The following DNAH11 variants were observed in gnomAD, a reference collection of about 807,000 sequenced individuals.
The protein encoded by DNAH11 is axonemal beta dynein heavy chain 11.
Under a neutral mutation model 526.0 loss-of-function variants are expected in DNAH11, and 442 were observed. The observed-to-expected ratio is 0.84, with a 90% CI of 0.78 to 0.91. The LOEUF is 0.91. Ranked by LOEUF, DNAH11 falls within the 40% of genes least tolerant of loss-of-function variation. The pLI is 0.00. For missense variants in DNAH11, 6,989 were observed against 5,448.7 expected (o/e 1.28, Z -8.90); for synonymous variants, 2,461 against 1,935.9 (o/e 1.27, Z -7.12).
At position 21,750,409 on chromosome 7, in the gene DNAH11, T is replaced by C. The variant is rs752416204; in HGVS notation, c.8940+45T>C. ...TTTGCATGTTAGTTAAAACCTGCTATTGCAACTCTCTGGTTCTATTCTGAG... is the reference window on the plus strand; with the variant it reads ...TTTGCATGTTAGTTAAAACCTGCTACTGCAACTCTCTGGTTCTATTCTGAG... On this transcript the variant is annotated intron_variant, in intron 54 of 81. Transcript: ENST00000409508. 3 of 1,559,694 alleles carry C rather than the reference T, an allele frequency of 1.9e-6. No individual in the cohort carries two copies. The East Asian group carries it at 7.1e-5, about 37-fold the overall frequency.
chr7:21,589,829 A>G (rs968090661), intron 12 of DNAH11, among the ~76,000 whole-genome samples: 1 of 152,174 alleles, frequency 6.6e-6, no homozygotes, highest in Non-Finnish European at 1.5e-5. Context: ...TCATCACGTA[A>G]GTTAAGATTT....
At chr7:21,659,609 A>C (rs931888847) in intron 30 of DNAH11, among the ~76,000 whole-genome samples, 1 of 152,078 alleles carries the variant, frequency 6.6e-6, no homozygotes, top group Non-Finnish European at 1.5e-5. Flanking sequence ...ATTAGGCTTG[A>C]AAAGGAGTTT....
intron 66 of DNAH11, among the ~76,000 whole-genome samples, chr7:21,847,920 C>T (rs1280849873): frequency 6.6e-6 from 1 of 152,056 alleles, no homozygotes; most frequent in East Asian, 1.9e-4. Context: ...AATCCCAGCA[C>T]TTTGGGAGGC....
At chr7:21,690,609 CAT>C (rs1345268657) in intron 34 of DNAH11, among the ~76,000 whole-genome samples, 154 bp from the exon 35 acceptor site, 2 of 152,082 alleles carry the variant, frequency 1.3e-5, no homozygotes, top group Non-Finnish European at 2.9e-5. Context: ...TGCTTCAAAA[CAT>C]ATTCAAAATA....
intron 65 of DNAH11, among the ~76,000 whole-genome samples, chr7:21,841,667 G>A (rs1429735686): frequency 1.3e-5 from 2 of 152,188 alleles, no homozygotes; most frequent in South Asian, 2.1e-4. Context: ...GTTCCCACCT[G>A]GTGCCCTGAG....
At chr7:21,749,551 A>C in intron 52 of DNAH11, 127 bp from the exon 53 acceptor site, 1 of 1,248,556 alleles carries the variant, frequency 8.0e-7, no homozygotes, top group Non-Finnish European at 1.1e-6. Context: ...GGAATATGTA[A>C]ACCAGGGAAA....
At position 21,901,048 on chromosome 7, in the gene DNAH11, C is replaced by G. The variant is rs751222708; in HGVS notation, c.13345C>G (p.Arg4449Gly). ...CCAAGCAGGAACCATTGTTGAAGCC[C>G]GTCTCAAGGAGCTGGCATGCCCTAT... ...DTQAGTIVEA[R>G]LKELACPMPV... The change falls in exon 82 of 82, where the codon CGT becomes GGT. Residue 4449 changes from arginine (R) to glycine (G), a missense_variant. Coordinates refer to ENST00000409508, the MANE Select transcript of DNAH11 (RefSeq NM_001277115.2). The G allele has an allele frequency of 3.7e-6, 6 of 1,612,600 alleles. No individual in the cohort carries two copies. In the African/African-American group the frequency reaches 8.0e-5, roughly 22 times the overall value.
At chr7:21,646,178 C>G (rs947292642) in intron 28 of DNAH11, among the ~76,000 whole-genome samples, 4 of 152,074 alleles carry the variant, frequency 2.6e-5, no homozygotes, top group African/African-American at 9.7e-5. Flanking sequence ...AGAAAGGTTG[C>G]TCAATTTCAG....
rs1170781791 is a variant in DNAH11 at position 21,600,045 on chromosome 7, A to G, written c.2926A>G (p.Met976Val). 1.2e-6 allele frequency: 2 copies of G among 1,610,222 alleles called. No individual in the cohort carries two copies. Among genetic ancestry groups the G allele is most frequent in the Non-Finnish European group, 1.7e-6 (2 of 1,177,788 alleles). ...GDGFYDLVEE[M>V]LCNSFRMSAQ... ...TGGCTTCTATGATCTTGTAGAAGAAATGTTATGCAATAGTTTTAGAATGTC... is the reference window on the plus strand; with the variant it reads ...TGGCTTCTATGATCTTGTAGAAGAAGTGTTATGCAATAGTTTTAGAATGTC... The change falls in exon 15 of 82, where the codon ATG becomes GTG. Residue 976 changes from methionine to valine, a missense_variant. Coordinates refer to ENST00000409508, the MANE Select transcript of DNAH11 (RefSeq NM_001277115.2).
intron 30 of DNAH11, 99 bp from the exon 31 acceptor site, chr7:21,681,447 T>C: frequency 7.6e-7 from 1 of 1,316,668 alleles, no homozygotes; most frequent in Admixed American, 2.6e-5. Flanking sequence ...AGAAATTGTT[T>C]TGCAAACTAA....
intron 8 of DNAH11, 140 bp downstream of exon 8, chr7:21,572,113 T>C (rs1387865954): frequency 3.1e-6 from 2 of 650,120 alleles, no homozygotes; most frequent in Non-Finnish European, 4.4e-6. Context: ...TTGCCTGAAG[T>C]CTTGTAGCTA....
chr7:21,666,751 CA>C (rs1782434977), intron 30 of DNAH11, among the ~76,000 whole-genome samples: 1 of 147,424 alleles, frequency 6.8e-6, no homozygotes, highest in Non-Finnish European at 1.5e-5. Context: ...ATATTGGACA[CA>C]AGTATTTTTT....
chr7:21,590,222 A>G (rs933188916), intron 12 of DNAH11, among the ~76,000 whole-genome samples: 2 of 152,206 alleles, frequency 1.3e-5, no homozygotes, highest in African/African-American at 4.8e-5. Context: ...CTAGATGTGC[A>G]TGTATATATG....
chr7:21,583,198 T>G lies in DNAH11; in HGVS notation c.1710+1177T>G, dbSNP rs530475910. On this transcript the variant is annotated intron_variant, in intron 9 of 81. Coordinates refer to ENST00000409508, the MANE Select transcript of DNAH11 (RefSeq NM_001277115.2). ...CTGACTTGAAACTACACTACAAGGC[T>G]ACAGTAACCAAAACAGTATAGTACT... is the stretch of plus-strand genomic sequence containing the variant. Among the ~76,000 whole-genome samples, 233 of 152,256 alleles carry G rather than the reference T, an allele frequency of 1.5e-3. 4 individuals carry two copies. The South Asian group carries it at 0.02, about 13-fold the overall frequency.
chr7:21,777,440 G>T (rs1242972251), intron 56 of DNAH11, among the ~76,000 whole-genome samples: 4 of 151,886 alleles, frequency 2.6e-5, no homozygotes, highest in African/African-American at 9.7e-5. Context: ...AACCAAAAAT[G>T]AAATTACTGA....
rs1323137235 is a variant in DNAH11 at position 21,901,493 on chromosome 7, TAGGAGGCAA to T, written c.*243_*251del. 1.5e-5 allele frequency: 6 copies of T among 408,544 alleles called. No homozygotes were observed. In the Admixed American group the frequency reaches 2.8e-4, roughly 19 times the overall value. 25.3% of individuals were successfully genotyped at this position (408,544 alleles called of 1,614,324 possible). On this transcript the variant is annotated 3_prime_UTR_variant, in exon 82 of 82. Coordinates refer to ENST00000409508, the MANE Select transcript of DNAH11 (RefSeq NM_001277115.2). ...AGGAGGTAGGAGAATCACTTGAACC[TAGGAGGCAA>T]AGGTTGCAGTGAGCCGAGGTTGCAC...
At chr7:21,716,331 C>T (rs921380772) in intron 42 of DNAH11, among the ~76,000 whole-genome samples, 4 of 152,100 alleles carry the variant, frequency 2.6e-5, no homozygotes, top group Non-Finnish European at 4.4e-5. Context: ...TAATGAGTAA[C>T]GTTTATTGAG....
intron 60 of DNAH11, among the ~76,000 whole-genome samples, chr7:21,788,704 C>T (rs973298067): frequency 6.6e-6 from 1 of 152,140 alleles, no homozygotes; most frequent in Non-Finnish European, 1.5e-5. Flanking sequence ...ATATCTCCCA[C>T]CCTCCTTTCT....
intron 61 of DNAH11, among the ~76,000 whole-genome samples, chr7:21,794,393 A>T (rs1436379531): frequency 6.6e-6 from 1 of 152,138 alleles, no homozygotes; most frequent in Non-Finnish European, 1.5e-5. Context: ...TTTCTAGAGT[A>T]TGTTTGCTTA....
Sources: gnomAD v4.1 joint callset for allele counts (sites outside exome capture counted in the v4.1 genomes callset) on GRCh38, gnomAD v4.1.1 for gene constraint, MANE v1.5 for transcripts, NCBI Gene and HGNC (gene_info 2026-07-23, HGNC 2026-07-21) for gene names.